The following TRIM24 variants were observed in gnomAD, a reference collection of about 807,000 sequenced individuals.
TRIM24 encodes the protein transcription intermediary factor 1-alpha.
Under a neutral mutation model 123.9 loss-of-function variants are expected in TRIM24, and 29 were observed. The observed-to-expected ratio is 0.23, with a 90% CI of 0.17 to 0.32. TRIM24 has a LOEUF of 0.32. Among genes scored for constraint, TRIM24 ranks in the 10% least tolerant of loss-of-function variants. TRIM24 has a pLI of 1.00. For missense variants in TRIM24, 932 were observed against 1,295.3 expected (o/e 0.72, Z 4.31); for synonymous variants, 456 against 461.1 (o/e 0.99, Z 0.14).
At chr7:138,469,317 T>A (rs866746312) in intron 1 of TRIM24, among the ~76,000 whole-genome samples, 16 of 152,142 alleles carry the variant, frequency 1.1e-4, no homozygotes, top group Middle Eastern at 6.8e-3. Context: ...AATGTAACCT[T>A]GACCCCTTTC....
intron 2 of TRIM24, among the ~76,000 whole-genome samples, chr7:138,511,995 C>T (rs1796297516): frequency 6.6e-6 from 1 of 152,178 alleles, no homozygotes; most frequent in Admixed American, 6.5e-5. Context: ...GGTAAATACT[C>T]CCATTCCAAA....
intron 1 of TRIM24, among the ~76,000 whole-genome samples, chr7:138,498,104 T>G (rs1795954727): frequency 6.6e-6 from 1 of 152,142 alleles, no homozygotes; most frequent in Non-Finnish European, 1.5e-5. Flanking sequence ...CACTGCAACC[T>G]CTGCCTCCCA....
intron 7 of TRIM24, among the ~76,000 whole-genome samples, chr7:138,542,351 T>G (rs183482168): frequency 5.9e-5 from 9 of 152,316 alleles, no homozygotes; most frequent in Non-Finnish European, 1.3e-4. Context: ...TTGTTGTGTC[T>G]GAGACTACGG....
At chr7:138,561,431 TTA>T (rs1372663774) in intron 9 of TRIM24, among the ~76,000 whole-genome samples, 1 of 152,120 alleles carries the variant, frequency 6.6e-6, no homozygotes, top group East Asian at 1.9e-4. Flanking sequence ...TTTAGGGTAT[TTA>T]TGTGAGGATT....
chr7:138,523,351 A>G (rs942231557), intron 4 of TRIM24, among the ~76,000 whole-genome samples: 5 of 152,278 alleles, frequency 3.3e-5, no homozygotes, highest in African/African-American at 7.2e-5. Flanking sequence ...GCTAAATACA[A>G]TAGAAAGTCA....
intron 1 of TRIM24, among the ~76,000 whole-genome samples, chr7:138,497,691 A>G (rs1433682003): frequency 1.3e-5 from 2 of 151,056 alleles, no homozygotes; most frequent in Non-Finnish European, 2.9e-5. Flanking sequence ...CACCGCGCCC[A>G]GCCTGTTGTT....
intron 10 of TRIM24, among the ~76,000 whole-genome samples, chr7:138,569,644 G>C (rs1290722738): frequency 1.3e-5 from 2 of 152,158 alleles, no homozygotes; most frequent in East Asian, 3.8e-4. Context: ...TGAGGGAGGA[G>C]TAGGTGGTAA....
rs144170997 is a variant in TRIM24 at position 138,579,488 on chromosome 7, A to G, written c.2541A>G (p.Val847=). 1.2e-6 allele frequency: 2 copies of G among 1,613,528 alleles called. No homozygotes were observed. The highest frequency in any genetic ancestry group is 1.7e-6 in the Non-Finnish European group (2 of 1,179,664). The change falls in exon 15 of 19, where the codon GTA becomes GTG. Residue 847 remains valine, a synonymous_variant. Transcript: ENST00000343526. The part of the protein sequence containing the change: ...ELLCCEKCPK[V]FHLSCHVPTL... ...TCTGCTGTGAAAAGTGCCCCAAAGT[A>G]TTCCATCTTTCTTGTCATGTGCCCA...
At chr7:138,567,254 A>G (rs999426246) in intron 9 of TRIM24, among the ~76,000 whole-genome samples, 2 of 152,178 alleles carry the variant, frequency 1.3e-5, no homozygotes, top group African/African-American at 2.4e-5. Context: ...CTAGGTGGCA[A>G]TCCCTCTCCC....
At chr7:138,464,984 GCT>G (rs1795103611) in intron 1 of TRIM24, among the ~76,000 whole-genome samples, 1 of 151,922 alleles carries the variant, frequency 6.6e-6, no homozygotes. Flanking sequence ...TACTTTTCAT[GCT>G]CTCTTTGTCA....
intron 1 of TRIM24, among the ~76,000 whole-genome samples, chr7:138,485,329 C>T (rs548401505): frequency 3.3e-5 from 5 of 151,642 alleles, no homozygotes; most frequent in African/African-American, 1.2e-4. Context: ...ATTTCCAGAA[C>T]TTTTTCATCA....
intron 9 of TRIM24, 117 bp from the exon 10 acceptor site, chr7:138,567,364 A>C (rs1455999873): frequency 1.1e-5 from 11 of 959,166 alleles, no homozygotes; most frequent in African/African-American, 1.7e-5. Context: ...AAATCTTAAT[A>C]ATTGATTGAT....
At position 138,525,282 on chromosome 7, in the gene TRIM24, T is replaced by A. The variant is rs756804051; in HGVS notation, c.806T>A (p.Ile269Asn). The A allele has an allele frequency of 7.2e-6, 11 of 1,517,718 alleles. No individual in the cohort carries two copies. The South Asian group carries it at 1.5e-4, about 21-fold the overall frequency. 94.0% of individuals were successfully genotyped at this position (1,517,718 alleles called of 1,614,324 possible). The change falls in exon 5 of 19, where the codon ATC (isoleucine) becomes AAC (asparagine). Residue 269 changes from isoleucine (I) to asparagine (N), a missense_variant. Physicochemically the swap from Ile to Asn is moderately radical, Grantham distance 149. Around this residue, in one of 7 missense-constraint regions of TRIM24, gnomAD observed 527 missense variants for 691.3 expected, o/e 0.76. Coordinates refer to ENST00000343526, the MANE Select transcript of TRIM24 (RefSeq NM_015905.3). ...IEEAFQNQKV[I>N]IDTLITKLME... ...GAAGCTTTTCAGAATCAGAAAGTGA[T>A]CATAGATACACTAATCACCAAACTG...
intron 5 of TRIM24, among the ~76,000 whole-genome samples, chr7:138,528,500 C>G (rs1260680520): frequency 1.3e-5 from 2 of 151,988 alleles, no homozygotes; most frequent in African/African-American, 2.4e-5. Context: ...ACTTGCTTTT[C>G]TCTTTTTAAT....
intron 1 of TRIM24, among the ~76,000 whole-genome samples, chr7:138,472,287 T>C (rs1479591022): frequency 1.3e-5 from 2 of 151,400 alleles, no homozygotes; most frequent in Non-Finnish European, 2.9e-5. Flanking sequence ...ACTACTGAAT[T>C]TATAAAAAAA....
At chr7:138,469,739 AAGACAT>A (rs1795229575) in intron 1 of TRIM24, among the ~76,000 whole-genome samples, 1 of 152,200 alleles carries the variant, frequency 6.6e-6, no homozygotes, top group African/African-American at 2.4e-5. Context: ...CAGGTGAGGG[AAGACAT>A]TAGAACTTCT....
At chr7:138,469,743 C>CA (rs1584682835) in intron 1 of TRIM24, among the ~76,000 whole-genome samples, 2 of 152,294 alleles carry the variant, frequency 1.3e-5, no homozygotes, top group East Asian at 3.9e-4. Flanking sequence ...TGAGGGAAGA[C>CA]ATTAGAACTT....
chr7:138,516,305 AAAT>A (rs967462132), intron 3 of TRIM24, among the ~76,000 whole-genome samples: 22 of 152,106 alleles, frequency 1.4e-4, no homozygotes, highest in African/African-American at 2.9e-4. Flanking sequence ...CCGTCTCAAA[AAAT>A]AATAATAATA....
intron 4 of TRIM24, among the ~76,000 whole-genome samples, chr7:138,521,282 C>CTTG (rs954204539): frequency 2.6e-5 from 4 of 152,050 alleles, no homozygotes; most frequent in African/African-American, 9.7e-5. Flanking sequence ...ACAATAATAT[C>CTTG]TTGTTGATGT....
Sources: gnomAD v4.1 joint callset for allele counts (sites outside exome capture counted in the v4.1 genomes callset) on GRCh38, gnomAD v4.1.1 for gene constraint, gnomAD v4.1.1 regional missense constraint, MANE v1.5 for transcripts, NCBI Gene and HGNC (gene_info 2026-07-23, HGNC 2026-07-21) for gene names.